MYO5B: variants seen among roughly 807,000 people sequenced by gnomAD.
MYO5B encodes myosin VB.
In MYO5B, 143 loss-of-function variants were observed where a neutral mutation model predicts 229.3. That is an observed-to-expected ratio of 0.62 (90% confidence interval 0.54 to 0.72). The LOEUF (loss-of-function observed/expected upper bound fraction) is 0.72, where lower values mean the gene tolerates loss of function less well. Among genes scored for constraint, MYO5B ranks in the 30% least tolerant of loss-of-function variants. The pLI, the probability that MYO5B is intolerant of heterozygous loss-of-function variation, is 0.00. For synonymous variants in MYO5B, 918 were observed against 885.2 expected, an observed-to-expected ratio of 1.04 and a Z score of -0.66; for missense variants, 2,321 against 2,331.0, an observed-to-expected ratio of 1.00 and a Z score of 0.09.
chr18:50,097,905 T>C (rs1483307666), intron 1 of MYO5B, among the ~76,000 whole-genome samples: 1 of 152,172 alleles, frequency 6.6e-6, no homozygotes, highest in Non-Finnish European at 1.5e-5. Flanking sequence ...GGAGACAGCA[T>C]GACTTCAGAC....
At chr18:50,078,595 C>T (rs1020728892) in intron 1 of MYO5B, among the ~76,000 whole-genome samples, 24 of 152,136 alleles carry the variant, frequency 1.6e-4, no homozygotes, top group African/African-American at 5.6e-4. Flanking sequence ...GAAAAGAAAA[C>T]AAGCATTGGC....
chr18:49,837,941 A>G lies in MYO5B; in HGVS notation c.4853-139T>C, dbSNP rs542409005. ...GCAATGTTGACATGCTTAGGAACTT[A>G]TAACATTTGGCAAAAAATTTCTAAT... is the stretch of plus-strand genomic sequence containing the variant. On this transcript the variant is annotated intron_variant, in intron 36 of 39. Transcript: ENST00000285039. 1.6e-4 allele frequency: 194 copies of G among 1,186,050 alleles called. No individual in the cohort carries two copies. The African/African-American group carries it at 2.6e-3, about 16-fold the overall frequency. The allele number at this position is 1,186,050 out of a possible 1,614,324, so 73.5% of individuals were successfully genotyped here.
At chr18:50,067,573 A>G (rs1261452738) in intron 1 of MYO5B, among the ~76,000 whole-genome samples, 3 of 152,152 alleles carry the variant, frequency 2.0e-5, no homozygotes, top group African/African-American at 7.2e-5. Flanking sequence ...CCCCTGATGA[A>G]TAGATTAATG....
chr18:50,123,140 T>C (rs539096203), intron 1 of MYO5B, among the ~76,000 whole-genome samples: 1 of 152,320 alleles, frequency 6.6e-6, no homozygotes, highest in African/African-American at 2.4e-5. Flanking sequence ...CAGCCTACTA[T>C]GCAGGTGAAC....
intron 4 of MYO5B, among the ~76,000 whole-genome samples, chr18:50,025,400 G>T (rs1344648445): frequency 6.6e-6 from 1 of 152,086 alleles, no homozygotes. Flanking sequence ...CTAGCCCCTT[G>T]CCCTCTGTGA....
intron 1 of MYO5B, among the ~76,000 whole-genome samples, chr18:50,190,405 A>G (rs182804144): frequency 4.0e-4 from 61 of 152,348 alleles, no homozygotes; most frequent in African/African-American, 1.3e-3. Flanking sequence ...CACTGTGACA[A>G]CAGAGACCAT....
intron 1 of MYO5B, among the ~76,000 whole-genome samples, chr18:50,191,859 G>A (rs192244349): frequency 2.6e-5 from 4 of 152,204 alleles, no homozygotes; most frequent in Non-Finnish European, 4.4e-5. Context: ...AGTTTGAAAA[G>A]AAGCCCCTAT....
intron 18 of MYO5B, among the ~76,000 whole-genome samples, chr18:49,908,695 C>T (rs987379137): frequency 5.3e-5 from 8 of 152,144 alleles, no homozygotes; most frequent in East Asian, 3.8e-4. Flanking sequence ...AGCCAGTCTC[C>T]GTGATGTGGT....
At chr18:49,980,085 A>G (rs1005077869) in intron 9 of MYO5B, among the ~76,000 whole-genome samples, 1 of 152,188 alleles carries the variant, frequency 6.6e-6, no homozygotes, top group Non-Finnish European at 1.5e-5. Context: ...CACCAGGTAC[A>G]GTGCCCTGTG....
chr18:50,050,135 GATAAAA>G (rs1167343697), intron 2 of MYO5B, among the ~76,000 whole-genome samples: 1 of 152,080 alleles, frequency 6.6e-6, no homozygotes, highest in East Asian at 1.9e-4. Flanking sequence ...GCAAGATAAA[GATAAAA>G]ATAAAAAATT....
Position 49,822,955 on chromosome 18 carries a change from C to T in MYO5B, c.*3516G>A, listed in dbSNP as rs2023788213. The T allele has an allele frequency of 6.6e-6, 1 of 152,172 alleles. No homozygotes were observed. Among genetic ancestry groups the T allele is most frequent in the Non-Finnish European group, 1.5e-5 (1 of 68,042 alleles). The allele number at this position is 152,172 out of a possible 1,614,324, so 9.4% of individuals were successfully genotyped here. A position where few individuals can be genotyped will look rare whatever the true frequency, so the allele number is the denominator to read the frequency against. ...AATATTTTCATCAGTAGTCTTTCTT[C>T]CATGGTGTTGGATTCACCCCTGAAT... On this transcript the variant is annotated 3_prime_UTR_variant, in exon 40 of 40. Coordinates refer to ENST00000285039, the MANE Select transcript of MYO5B (RefSeq NM_001080467.3).
intron 1 of MYO5B, among the ~76,000 whole-genome samples, chr18:50,154,423 A>T (rs2032648860): frequency 6.6e-6 from 1 of 152,166 alleles, no homozygotes; most frequent in African/African-American, 2.4e-5. Context: ...ATGCTCCACC[A>T]TGCCTTCTTT....
intron 17 of MYO5B, among the ~76,000 whole-genome samples, chr18:49,913,028 T>C (rs1476401226): frequency 6.6e-6 from 1 of 152,186 alleles, no homozygotes; most frequent in Non-Finnish European, 1.5e-5. Context: ...GAAGGAACCA[T>C]TTTTCTCCCC....
chr18:50,130,802 A>G lies in MYO5B; in HGVS notation c.27+63965T>C, dbSNP rs369032335. ...ATTTGCAAAAGACTCGTTTTACAAAACGACTGTGATGTGCACTGCTAACAG... is the reference window on the plus strand; with the variant it reads ...ATTTGCAAAAGACTCGTTTTACAAAGCGACTGTGATGTGCACTGCTAACAG... On this transcript the variant is annotated intron_variant, in intron 1 of 39. Transcript: ENST00000285039. Among the ~76,000 whole-genome samples the G allele has an allele frequency of 3.5e-4, 54 of 152,306 alleles. No individual in the cohort carries two copies. In the South Asian group the frequency reaches 0.011, roughly 30 times the overall value.
intron 1 of MYO5B, among the ~76,000 whole-genome samples, chr18:50,152,274 A>G (rs1250007334): frequency 6.6e-6 from 1 of 152,220 alleles, no homozygotes; most frequent in East Asian, 1.9e-4. Flanking sequence ...GCTGCTTCAC[A>G]GAATTTCATA....
At chr18:50,063,631 A>G (rs1410657591) in intron 1 of MYO5B, among the ~76,000 whole-genome samples, 2 of 152,356 alleles carry the variant, frequency 1.3e-5, no homozygotes, top group African/African-American at 2.4e-5. Flanking sequence ...ATAGTCACAT[A>G]GCACAATTAT....
chr18:49,937,487 G>A, intron 14 of MYO5B, 90 bp from the exon 15 acceptor site: 2 of 1,475,804 alleles, frequency 1.4e-6, no homozygotes, highest in Non-Finnish European at 1.9e-6. Flanking sequence ...ATATACCTGA[G>A]AACGGAAAAC....
At chr18:50,184,046 C>T (rs1222260817) in intron 1 of MYO5B, among the ~76,000 whole-genome samples, 2 of 152,188 alleles carry the variant, frequency 1.3e-5, no homozygotes, top group Non-Finnish European at 2.9e-5. Context: ...GCTAAATAAA[C>T]CTTTTTAAAA....
chr18:50,038,089 G>A (rs761985543), intron 3 of MYO5B, among the ~76,000 whole-genome samples: 2 of 152,206 alleles, frequency 1.3e-5, no homozygotes, highest in Non-Finnish European at 2.9e-5. Context: ...ATCTTTTATG[G>A]ATGATGTGAG....
Sources: allele counts gnomAD v4.1 joint callset (sites outside exome capture counted in the v4.1 genomes callset), GRCh38; gene constraint gnomAD v4.1.1; transcripts MANE v1.5; gene names NCBI Gene and HGNC (gene_info 2026-07-23, HGNC 2026-07-21).